Variants in ITPRID1 observed in about 807,000 individuals in gnomAD.
ITPRID1 encodes ITPR interacting domain containing 1.
ITPRID1 carries 96 observed loss-of-function variants against 95.4 expected under a neutral mutation model. The observed-to-expected ratio is 1.01, with a 90% CI of 0.85 to 1.19. The LOEUF is 1.19. ITPRID1 is among the 50% of genes most tolerant of loss of function. The probability of loss-of-function intolerance (pLI) is 0.00; values close to 1 mark genes in which losing one functional copy is unlikely to be tolerated. For missense variants in ITPRID1, 1,339 were observed against 1,252.9 expected, an observed-to-expected ratio of 1.07 and a Z score of -1.04; for synonymous variants, 510 against 453.6, an observed-to-expected ratio of 1.12 and a Z score of -1.58.
In ITPRID1 at chr7:31,577,888, G is replaced by A. The variant is rs745835615; in HGVS notation, c.624G>A (p.Leu208=). 5 of 1,606,618 alleles carry A rather than the reference G, an allele frequency of 3.1e-6. No individual in the cohort carries two copies. In the Admixed American group the frequency reaches 8.5e-5, roughly 27 times the overall value. The change falls in exon 9 of 15, where the codon CTG becomes CTA. Residue 208 remains leucine, a synonymous_variant. Transcript: ENST00000615280. ...GTCGTTTCCGACAGCTGGAAATCCTGGACCATGTGACCAATGCCTTCTCAT... is the reference window on the plus strand; with the variant it reads ...GTCGTTTCCGACAGCTGGAAATCCTAGACCATGTGACCAATGCCTTCTCAT... ...LYGRFRQLEI[L]DHVTNAFSSL...
chr7:31,548,116 G>A (rs1784160347), intron 1 of ITPRID1, among the ~76,000 whole-genome samples: 2 of 152,108 alleles, frequency 1.3e-5, no homozygotes, highest in South Asian at 2.1e-4. Flanking sequence ...AGGTGATGGG[G>A]GATGTTTGAA....
intron 5 of ITPRID1, among the ~76,000 whole-genome samples, chr7:31,561,462 C>T (rs56959648): frequency 6.6e-6 from 1 of 151,540 alleles, no homozygotes; most frequent in African/African-American, 2.4e-5. Context: ...ACATTGCTTA[C>T]CCAAGCTCAT....
rs564522203 is a variant in ITPRID1, at chr7:31,623,909, CA to C, written c.1229-18265del. On this transcript the variant is annotated intron_variant, in intron 10 of 14. Coordinates refer to ENST00000615280, the MANE Select transcript of ITPRID1 (RefSeq NM_001257967.3). ...CCCAAAATCTCCTTAAGCTGATAAGCAACTTCAGCAAAGTCTCAGGATACAA... is the reference window on the plus strand; with the variant it reads ...CCCAAAATCTCCTTAAGCTGATAAGCACTTCAGCAAAGTCTCAGGATACAA... Among the ~76,000 whole-genome samples the C allele has an allele frequency of 7.5e-3, 1,134 of 151,714 alleles. 16 individuals are homozygous for C. Among genetic ancestry groups the C allele is most frequent in the African/African-American group, 0.026 (1,059 of 41,352 alleles).
rs376118062 is a variant in ITPRID1 at position 31,553,178 on chromosome 7, C to T, written c.154C>T (p.Pro52Ser). 23 of 1,577,946 alleles carry T rather than the reference C, an allele frequency of 1.5e-5. No homozygotes were observed. Among genetic ancestry groups the T allele is most frequent in the Middle Eastern group, 1.7e-4 (1 of 6,010 alleles). Reference protein sequence around the residue: ...PEEESQSLTIPMLEDSKQESI... With the variant: ...PEEESQSLTISMLEDSKQESI... Reference sequence around the variant, plus strand: ...GGAGGAAAGCCAGAGTCTCACCATCCCCATGCTGGGTGAGAAGGACTCTCA... The same window carrying T: ...GGAGGAAAGCCAGAGTCTCACCATCTCCATGCTGGGTGAGAAGGACTCTCA... The change falls in exon 3 of 15, where the codon CCC becomes TCC. Residue 52 changes from proline to serine, a missense_variant. Physicochemically the swap from Pro to Ser is moderately conservative, Grantham distance 74. Transcript: ENST00000615280.
At chr7:31,574,799 G>A (rs937187293) in intron 8 of ITPRID1, 57 bp downstream of exon 8, 86 of 1,501,044 alleles carry the variant, frequency 5.7e-5, no homozygotes, top group Non-Finnish European at 7.8e-5. Context: ...TGGGCAGGTG[G>A]GCCACAGTGT....
intron 12 of ITPRID1, among the ~76,000 whole-genome samples, chr7:31,644,457 G>C (rs894773468): frequency 2.0e-5 from 3 of 152,180 alleles, no homozygotes; most frequent in African/African-American, 7.2e-5. Flanking sequence ...GAAATCTCTA[G>C]GTAATGTTAA....
At position 31,599,284 on chromosome 7, in the gene ITPRID1, TG is replaced by T. The variant is rs575966685; in HGVS notation, c.1228+16098del. On this transcript the variant is annotated intron_variant, in intron 10 of 14. Transcript: ENST00000615280. ...ATAGATAAATATTACAAATATAAGT[TG>T]GGGGTAAATTAATCGTAGTTGGGTA... Among the ~76,000 whole-genome samples the T allele has an allele frequency of 5.0e-3, 766 of 152,276 alleles. 7 individuals are homozygous for T. Among genetic ancestry groups the T allele is most frequent in the African/African-American group, 0.017 (723 of 41,546 alleles).
At chr7:31,598,845 A>G (rs1167625348) in intron 10 of ITPRID1, among the ~76,000 whole-genome samples, 4 of 152,240 alleles carry the variant, frequency 2.6e-5, no homozygotes, top group Admixed American at 6.5e-5. Flanking sequence ...TCAGGAGCAG[A>G]TAAGTTTAAA....
chr7:31,636,825 C>T (rs1789528591), intron 10 of ITPRID1, among the ~76,000 whole-genome samples: 1 of 150,726 alleles, frequency 6.6e-6, no homozygotes, highest in South Asian at 2.1e-4. Flanking sequence ...TGTGCTGCAC[C>T]CATTAACTCA....
chr7:31,562,699 T>C (rs892267160), intron 5 of ITPRID1, among the ~76,000 whole-genome samples: 1 of 152,188 alleles, frequency 6.6e-6, no homozygotes, highest in Non-Finnish European at 1.5e-5. Flanking sequence ...CCAGGATCAT[T>C]ATAATTCAAA....
chr7:31,524,372 T>C (rs1783359467), intron 1 of ITPRID1, among the ~76,000 whole-genome samples: 1 of 152,186 alleles, frequency 6.6e-6, no homozygotes, highest in South Asian at 2.1e-4. Flanking sequence ...TAGAAAACTT[T>C]CCCCCAAACA....
At chr7:31,635,852 G>A (rs1175359681) in intron 10 of ITPRID1, among the ~76,000 whole-genome samples, 1 of 152,084 alleles carries the variant, frequency 6.6e-6, no homozygotes, top group Middle Eastern at 3.2e-3. Flanking sequence ...GTGATTGGCC[G>A]ATAGGTGCAG....
intron 1 of ITPRID1, 188 bp downstream of exon 1, chr7:31,514,308 C>G (rs1782984054): frequency 6.6e-6 from 1 of 152,230 alleles, no homozygotes; most frequent in Non-Finnish European, 1.5e-5. Flanking sequence ...ACCTTCTTCT[C>G]TCCCTCTAGA....
At chr7:31,533,534 C>T (rs1281124952) in intron 1 of ITPRID1, among the ~76,000 whole-genome samples, 1 of 151,864 alleles carries the variant, frequency 6.6e-6, no homozygotes, top group Non-Finnish European at 1.5e-5. Context: ...TCTTCTTTCC[C>T]TGTCTTCCTA....
chr7:31,521,719 CTTCCTTCT>C (rs1445934137), intron 1 of ITPRID1, among the ~76,000 whole-genome samples: 2 of 82,358 alleles, frequency 2.4e-5, no homozygotes, highest in Non-Finnish European at 4.6e-5. Flanking sequence ...CCCTTCCTTC[CTTCCTTCT>C]TTCTTTCTTT....
At chr7:31,586,650 G>T (rs1239347776) in intron 10 of ITPRID1, among the ~76,000 whole-genome samples, 6 of 152,152 alleles carry the variant, frequency 3.9e-5, no homozygotes, top group Non-Finnish European at 8.8e-5. Flanking sequence ...TTTGAGAAGT[G>T]TCTGTTCATG....
intron 2 of ITPRID1, among the ~76,000 whole-genome samples, chr7:31,551,080 C>G (rs183786735): frequency 7.0e-6 from 1 of 143,234 alleles, no homozygotes; most frequent in African/African-American, 2.4e-5. Flanking sequence ...TTTTGGGGAT[C>G]TTATTTTTCT....
At chr7:31,526,285 A>C (rs1421114156) in intron 1 of ITPRID1, among the ~76,000 whole-genome samples, 1 of 152,228 alleles carries the variant, frequency 6.6e-6, no homozygotes, top group Non-Finnish European at 1.5e-5. Context: ...TTGACTTAAC[A>C]ATTTTTCAAC....
chr7:31,628,768 T>C (rs1164071223), intron 10 of ITPRID1, among the ~76,000 whole-genome samples: 1 of 152,186 alleles, frequency 6.6e-6, no homozygotes, highest in Non-Finnish European at 1.5e-5. Flanking sequence ...AGCGTGATTC[T>C]TGATGGAAAC....
Sources: allele counts gnomAD v4.1 joint callset (sites outside exome capture counted in the v4.1 genomes callset), GRCh38; gene constraint gnomAD v4.1.1; transcripts MANE v1.5; gene names NCBI Gene and HGNC (gene_info 2026-07-23, HGNC 2026-07-21).